CSMD1: variants seen among roughly 807,000 people sequenced by gnomAD.
CSMD1 encodes the protein CUB and Sushi multiple domains 1, also known as CUB and sushi domain-containing protein 1.
Under a neutral mutation model 417.5 loss-of-function variants are expected in CSMD1, and 213 were observed. The observed-to-expected ratio is 0.51, with a 90% CI of 0.46 to 0.57. CSMD1 has a LOEUF of 0.57. Ranked by LOEUF, CSMD1 falls within the 20% of genes least tolerant of loss-of-function variation. The probability of loss-of-function intolerance (pLI) is 0.00; values close to 1 mark genes in which losing one functional copy is unlikely to be tolerated. For missense variants in CSMD1, 6,923 were observed against 4,529.7 expected (o/e 1.53, Z -15.17); for synonymous variants, 2,862 against 1,736.8 (o/e 1.65, Z -16.11).
chr8:4,101,983 G>C (rs554037297), intron 3 of CSMD1, among the ~76,000 whole-genome samples: 1 of 152,254 alleles, frequency 6.6e-6, no homozygotes, highest in Middle Eastern at 3.4e-3. Context: ...CCATGGTGTT[G>C]GGGACTGGGG....
chr8:3,029,652 GT>G (rs988695212), intron 50 of CSMD1, 139 bp from the exon 51 acceptor site: 16 of 648,184 alleles, frequency 2.5e-5, no homozygotes, highest in Non-Finnish European at 3.7e-5. Context: ...TTATCTCAGT[GT>G]TTCTCTACCA....
At chr8:4,234,246 G>A (rs1166502591) in intron 3 of CSMD1, among the ~76,000 whole-genome samples, 2 of 152,184 alleles carry the variant, frequency 1.3e-5, no homozygotes, top group African/African-American at 4.8e-5. Context: ...GACTAAAGCA[G>A]GAGGTTGTGA....
chr8:4,006,447 G>C (rs1816121051), intron 4 of CSMD1, among the ~76,000 whole-genome samples: 1 of 152,140 alleles, frequency 6.6e-6, no homozygotes, highest in South Asian at 2.1e-4. Context: ...GGGAGGCTGA[G>C]GCCGAAGAAT....
chr8:4,348,628 GGAGAGGGGGAGA>G (rs1800912687), intron 3 of CSMD1, among the ~76,000 whole-genome samples: 3 of 132,182 alleles, frequency 2.3e-5, no homozygotes, highest in Non-Finnish European at 4.8e-5. Context: ...GGGAGGGAGG[GGAGAGGGGGAGA>G]GGGAGGGGGA....
intron 10 of CSMD1, among the ~76,000 whole-genome samples, chr8:3,521,345 C>T (rs759592145): frequency 6.6e-6 from 1 of 152,114 alleles, no homozygotes; most frequent in Non-Finnish European, 1.5e-5. Context: ...TGTTTCTTTG[C>T]TGTTGGCCCT....
At chr8:4,108,877 A>T (rs1043122252) in intron 3 of CSMD1, among the ~76,000 whole-genome samples, 1 of 152,200 alleles carries the variant, frequency 6.6e-6, no homozygotes, top group Non-Finnish European at 1.5e-5. Context: ...AGAATTTGTC[A>T]CTTTAGTGGA....
chr8:3,411,747 C>T (rs1469545844), intron 12 of CSMD1, among the ~76,000 whole-genome samples: 2 of 127,398 alleles, frequency 1.6e-5, no homozygotes, highest in African/African-American at 3.0e-5. Context: ...TGTATATATA[C>T]ACGTGTATAT....
chr8:4,407,179 G>A (rs1319704484), intron 3 of CSMD1, among the ~76,000 whole-genome samples: 1 of 152,156 alleles, frequency 6.6e-6, no homozygotes, highest in Non-Finnish European at 1.5e-5. Flanking sequence ...TACCAAAGAA[G>A]TTTGCCAGTC....
At chr8:3,457,583 G>C (rs1015169992) in intron 12 of CSMD1, among the ~76,000 whole-genome samples, 3 of 152,146 alleles carry the variant, frequency 2.0e-5, no homozygotes, top group Non-Finnish European at 4.4e-5. Flanking sequence ...AAAAACACAG[G>C]ATGAATTTCA....
intron 2 of CSMD1, among the ~76,000 whole-genome samples, chr8:4,554,373 G>A (rs956202700): frequency 3.3e-5 from 5 of 152,144 alleles, no homozygotes; most frequent in Admixed American, 2.6e-4. Flanking sequence ...CTGACCTCAG[G>A]TGATCTACCT....
chr8:3,369,998 G>A (rs561709640), intron 18 of CSMD1, among the ~76,000 whole-genome samples: 53 of 152,148 alleles, frequency 3.5e-4, no homozygotes, highest in Non-Finnish European at 6.6e-4. Flanking sequence ...ATGGATAGGT[G>A]TTTGCAATGA....
At chr8:3,663,634 C>G (rs1315117880) in intron 7 of CSMD1, among the ~76,000 whole-genome samples, 1 of 152,158 alleles carries the variant, frequency 6.6e-6, no homozygotes, top group East Asian at 1.9e-4. Context: ...AAAGACTAAT[C>G]AGAAACTCAA....
At chr8:4,834,081 T>C (rs1009838808) in intron 1 of CSMD1, among the ~76,000 whole-genome samples, 42 of 152,342 alleles carry the variant, frequency 2.8e-4, no homozygotes, top group South Asian at 6.2e-4. Context: ...ATTGGACTCC[T>C]AGAGATATTC....
chr8:4,168,486 A>G (rs1797583320), intron 3 of CSMD1, among the ~76,000 whole-genome samples: 2 of 152,082 alleles, frequency 1.3e-5, no homozygotes, highest in African/African-American at 2.4e-5. Context: ...GTAAAAGTAG[A>G]AAAAAGGGCT....
chr8:4,718,930 T>C (rs145398770), intron 1 of CSMD1, among the ~76,000 whole-genome samples: 27 of 152,252 alleles, frequency 1.8e-4, no homozygotes, highest in African/African-American at 6.3e-4. Flanking sequence ...AGAATGTTCA[T>C]TATACACTGA....
chr8:3,263,956 G>A (rs1006463445), intron 26 of CSMD1, among the ~76,000 whole-genome samples: 1 of 152,082 alleles, frequency 6.6e-6, no homozygotes, highest in Non-Finnish European at 1.5e-5. Context: ...TTTGAATGCA[G>A]CATAAAATTC....
intron 3 of CSMD1, among the ~76,000 whole-genome samples, chr8:4,074,548 T>A (rs1044948594): frequency 6.6e-6 from 1 of 152,122 alleles, no homozygotes; most frequent in Non-Finnish European, 1.5e-5. Context: ...CCATAAATAT[T>A]CCCAGTGGAA....
chr8:2,990,665 C>T (rs1806306173), intron 54 of CSMD1, among the ~76,000 whole-genome samples: 1 of 152,178 alleles, frequency 6.6e-6, no homozygotes, highest in Admixed American at 6.5e-5. Flanking sequence ...CTAAATAAGA[C>T]ACAATAGAAG....
intron 2 of CSMD1, among the ~76,000 whole-genome samples, chr8:4,555,498 C>T (rs1798049985): frequency 6.6e-6 from 1 of 152,144 alleles, no homozygotes; most frequent in African/African-American, 2.4e-5. Flanking sequence ...AGCCTTCCTG[C>T]CTGGCCACTT....
Sources: allele counts gnomAD v4.1 joint callset (sites outside exome capture counted in the v4.1 genomes callset), GRCh38; gene constraint gnomAD v4.1.1; transcripts MANE v1.5; gene names NCBI Gene and HGNC (gene_info 2026-07-23, HGNC 2026-07-21).